The following NXF1 variants were observed in gnomAD, a reference collection of about 807,000 sequenced individuals.
NXF1 encodes the protein mRNA export factor TAP.
NXF1 carries 43 observed loss-of-function variants against 92.4 expected under a neutral mutation model. The ratio of observed to expected loss-of-function variants is 0.47; its 90% CI spans 0.36 to 0.60. NXF1 has a LOEUF of 0.60. Ranked by LOEUF, NXF1 falls within the 20% of genes least tolerant of loss-of-function variation. The probability of loss-of-function intolerance (pLI) is 0.00; values close to 1 mark genes in which losing one functional copy is unlikely to be tolerated. For synonymous variants in NXF1, 288 were observed against 292.2 expected (o/e 0.99, Z 0.15); for missense variants, 576 against 793.0 (o/e 0.73, Z 3.29).
rs1238620378 is a variant in NXF1, at chr11:62,801,826, G to A, written c.559-7C>T. ...AGTTGATGATGATAGATATCTGGAG[G>A]GAAGACACAGAGGGCACAGAAAACT... On this transcript the variant is annotated splice_polypyrimidine_tract_variant and splice_region_variant and intron_variant, in intron 5 of 20. Transcript: ENST00000294172. 6.2e-7 allele frequency: 1 copy of A among 1,612,358 alleles called. No individual in the cohort carries two copies. Among genetic ancestry groups the A allele is most frequent in the Admixed American group, 1.7e-5 (1 of 60,010 alleles).
intron 10 of NXF1, chr11:62,799,912 G>A (rs529351154): frequency 9.1e-6 from 9 of 987,686 alleles, no homozygotes; most frequent in East Asian, 1.1e-4. Context: ...CCCTCTTGGC[G>A]CAAGGGCAAG....
chr11:62,794,600 G>GTAGATAATCCTTCC, intron 18 of NXF1, 160 bp from the exon 19 acceptor site: 1 of 679,082 alleles, frequency 1.5e-6, no homozygotes, highest in Non-Finnish European at 2.5e-6. Context: ...TCAATGTTTG[G>GTAGATAATCCTTCC]AAGGATTATC....
chr11:62,797,735 G>A (rs953643276), intron 11 of NXF1, among the ~76,000 whole-genome samples: 5 of 152,058 alleles, frequency 3.3e-5, no homozygotes, highest in African/African-American at 1.2e-4. Flanking sequence ...AAAGAAAGTT[G>A]ACAGTTTAAA....
chr11:62,794,697 A>G (rs1313082486), intron 18 of NXF1: 2 of 588,006 alleles, frequency 3.4e-6, no homozygotes, highest in Non-Finnish European at 6.0e-6. Flanking sequence ...GAATATTGTT[A>G]TATGAATTTT....
At position 62,797,170 on chromosome 11, in the gene NXF1, C is replaced by G. The variant is rs773297777; in HGVS notation, c.1178+13G>C. The G allele has an allele frequency of 6.2e-7, 1 of 1,613,826 alleles. No homozygotes were observed. On this transcript the variant is annotated intron_variant, in intron 13 of 20. Transcript: ENST00000294172. ...AACCTCGGGGTGGGGAGGGGGGACC[C>G]TGGGATACTTACTGTTGCAGGAAGT...
At chr11:62,801,840 G>A in intron 5 of NXF1, 21 bp from the exon 6 acceptor site, 1 of 1,608,898 alleles carries the variant, frequency 6.2e-7, no homozygotes. Flanking sequence ...GACACAGAGG[G>A]CACAGAAAAC....
chr11:62,794,934 C>T lies in NXF1; in HGVS notation c.1577+1G>A. 6.2e-7 allele frequency: 1 copy of T among 1,614,114 alleles called. No homozygotes were observed. Among genetic ancestry groups the T allele is most frequent in the Non-Finnish European group, 8.5e-7 (1 of 1,179,926 alleles). On this transcript the variant is annotated splice_donor_variant, in intron 18 of 20. Coordinates refer to ENST00000294172, the MANE Select transcript of NXF1 (RefSeq NM_006362.5). LOFTEE classifies it high-confidence loss of function. ...TCCAATGCGAAAAGCAGAATACTTA[C>T]CCTGAATTGCTAGCAGGAACAGCAA...
chr11:62,805,327 A>C lies in NXF1; in HGVS notation c.28+2T>G. ...GTTCCCGACCCGAAGACCAGCACTT[A>C]CCGCTGTACGACTTCCCCTCGTCCG... On this transcript the variant is annotated splice_donor_variant, in intron 1 of 20. Coordinates refer to ENST00000294172, the MANE Select transcript of NXF1 (RefSeq NM_006362.5). LOFTEE classifies it high-confidence loss of function. The C allele has an allele frequency of 6.2e-7, 1 of 1,609,958 alleles. No individual in the cohort carries two copies. The highest frequency in any genetic ancestry group is 8.5e-7 in the Non-Finnish European group (1 of 1,178,298).
intron 2 of NXF1, 36 bp from the exon 3 acceptor site, chr11:62,803,608 C>T: frequency 6.2e-7 from 1 of 1,612,516 alleles, no homozygotes; most frequent in Non-Finnish European, 8.5e-7. Flanking sequence ...ACCACAAATG[C>T]TAGGAAAGTC....
intron 1 of NXF1, chr11:62,804,261 C>A (rs774531618): frequency 2.9e-6 from 4 of 1,390,278 alleles, no homozygotes; most frequent in African/African-American, 2.9e-5. Flanking sequence ...AAAAGTGTAA[C>A]TGAACACAAA....
rs1442340879 is a variant in NXF1, at chr11:62,801,207, A to G, written c.799-6T>C. 1 of 1,613,526 alleles carries G rather than the reference A, an allele frequency of 6.2e-7. No individual in the cohort carries two copies. The highest frequency in any genetic ancestry group is 2.2e-5 in the East Asian group (1 of 44,902). On this transcript the variant is annotated splice_region_variant and splice_polypyrimidine_tract_variant and intron_variant, in intron 8 of 20. Transcript: ENST00000294172. Reference sequence around the variant, plus strand: ...CTCAAGTTCAAGGACAATAGCTGTGAGGAGAGAAGAGTTTAGAGGAGGCAC... The same window carrying G: ...CTCAAGTTCAAGGACAATAGCTGTGGGGAGAGAAGAGTTTAGAGGAGGCAC...
At chr11:62,794,494 ACAT>A in intron 18 of NXF1, 54 bp from the exon 19 acceptor site, 1 of 1,470,034 alleles carries the variant, frequency 6.8e-7, no homozygotes, top group Non-Finnish European at 9.5e-7. Flanking sequence ...CATCCTCCCA[ACAT>A]CATTCCTATT....
At position 62,800,245 on chromosome 11, in the gene NXF1, G is replaced by A. The variant is rs191423180; in HGVS notation, c.1016+132C>T. On this transcript the variant is annotated intron_variant, in intron 10 of 20. Transcript: ENST00000294172. ...AGACAGACCAAAGTGGGGAGCACGC[G>A]ATCCTCTCAAAGGACAGGTGGTTCC... 1.6e-5 allele frequency: 24 copies of A among 1,492,260 alleles called. 2 individuals are homozygous for A. The South Asian group carries it at 2.7e-4, about 17-fold the overall frequency. The allele number at this position is 1,492,260 out of a possible 1,614,324, so 92.4% of individuals were successfully genotyped here. A position where few individuals can be genotyped will look rare whatever the true frequency, so the allele number is the denominator to read the frequency against.
intron 19 of NXF1, 148 bp downstream of exon 19, chr11:62,794,110 T>C (rs1284057148): frequency 1.6e-6 from 1 of 607,666 alleles, no homozygotes; most frequent in East Asian, 2.8e-5. Flanking sequence ...GAGGCTACAG[T>C]GAGTTATGAT....
intron 10 of NXF1, chr11:62,799,332 T>C (rs1006699780): frequency 2.0e-6 from 2 of 985,646 alleles, no homozygotes; most frequent in Non-Finnish European, 2.4e-6. Flanking sequence ...GAGTGGGCAC[T>C]TGCTGTTGGC....
chr11:62,804,171 CT>C (rs1241010502), intron 1 of NXF1, 193 bp from the exon 2 acceptor site: 2 of 1,531,590 alleles, frequency 1.3e-6, no homozygotes, highest in African/African-American at 2.7e-5. Context: ...GGAAAAGTTA[CT>C]GGAAAACTGT....
At chr11:62,800,210 TG>T (rs746642105) in intron 10 of NXF1, 166 bp downstream of exon 10, 33 of 1,430,068 alleles carry the variant, frequency 2.3e-5, no homozygotes, top group Non-Finnish European at 3.0e-5. Flanking sequence ...AGGACAAAGC[TG>T]GAAGACACAG....
At chr11:62,801,456 G>A (rs1205960209) in intron 7 of NXF1, 39 bp from the exon 8 acceptor site, 1 of 1,610,356 alleles carries the variant, frequency 6.2e-7, no homozygotes, top group Non-Finnish European at 8.5e-7. Flanking sequence ...AAGACTGAGA[G>A]GGTTTGCCCA....
chr11:62,801,257 A>T (rs1048039783), intron 8 of NXF1, 56 bp from the exon 9 acceptor site: 2 of 1,605,420 alleles, frequency 1.2e-6, no homozygotes, highest in Admixed American at 3.3e-5. Flanking sequence ...TCAGAGACGA[A>T]TCTGCCCTCC....
Sources: gnomAD v4.1 joint callset for allele counts (sites outside exome capture counted in the v4.1 genomes callset) on GRCh38, gnomAD v4.1.1 for gene constraint, MANE v1.5 for transcripts, NCBI Gene and HGNC (gene_info 2026-07-23, HGNC 2026-07-21) for gene names.